The following KCNT2 variants were observed in gnomAD, a reference collection of about 807,000 sequenced individuals.
KCNT2 encodes potassium channel subfamily T member 2.
Under a neutral mutation model 153.8 loss-of-function variants are expected in KCNT2, and 67 were observed. That is an observed-to-expected ratio of 0.44 (90% CI 0.36 to 0.53). The LOEUF is 0.53. KCNT2 is among the 20% of genes least tolerant of loss of function. The probability of loss-of-function intolerance (pLI) is 0.00; values close to 1 mark genes in which losing one functional copy is unlikely to be tolerated. For missense variants in KCNT2, 975 were observed against 1,354.8 expected (o/e 0.72, Z 4.40); for synonymous variants, 500 against 458.8 (o/e 1.09, Z -1.15).
intron 1 of KCNT2, among the ~76,000 whole-genome samples, chr1:196,590,855 G>A (rs1454571180): frequency 2.0e-5 from 3 of 152,136 alleles, no homozygotes; most frequent in Non-Finnish European, 4.4e-5. Context: ...GCCGAGTGCA[G>A]TGGCTCATGC....
chr1:196,340,001 T>C (rs1284839582), intron 16 of KCNT2, among the ~76,000 whole-genome samples: 2 of 152,060 alleles, frequency 1.3e-5, no homozygotes, highest in Non-Finnish European at 2.9e-5. Flanking sequence ...TTGTTGATTG[T>C]GTTTTTGTAA....
chr1:196,541,255 T>C (rs1380103067), intron 1 of KCNT2, among the ~76,000 whole-genome samples: 1 of 151,886 alleles, frequency 6.6e-6, no homozygotes, highest in Non-Finnish European at 1.5e-5. Context: ...TTTAAATCAA[T>C]ATGTTGAATA....
At chr1:196,401,768 T>G (rs894471725) in intron 12 of KCNT2, among the ~76,000 whole-genome samples, 6 of 151,586 alleles carry the variant, frequency 4.0e-5, no homozygotes, top group African/African-American at 1.5e-4. Flanking sequence ...TAGCAGAAAA[T>G]GATTTTAAGA....
At chr1:196,413,519 A>T (rs1464411821) in intron 12 of KCNT2, among the ~76,000 whole-genome samples, 1 of 151,758 alleles carries the variant, frequency 6.6e-6, no homozygotes, top group Non-Finnish European at 1.5e-5. Flanking sequence ...ATTTTTGCAG[A>T]TAACTAGCAT....
At chr1:196,520,782 T>A (rs12131964) in intron 1 of KCNT2, among the ~76,000 whole-genome samples, 1 of 152,080 alleles carries the variant, frequency 6.6e-6, no homozygotes, top group East Asian at 1.9e-4. Context: ...TCTTACACCA[T>A]ATGCAAAAAT....
At chr1:196,551,409 G>A (rs1468647693) in intron 1 of KCNT2, among the ~76,000 whole-genome samples, 1 of 151,698 alleles carries the variant, frequency 6.6e-6, no homozygotes, top group Non-Finnish European at 1.5e-5. Context: ...GAGAACTTTT[G>A]TAAAGGGGGA....
chr1:196,234,285 G>A (rs183390957), intron 27 of KCNT2, among the ~76,000 whole-genome samples: 88 of 150,274 alleles, frequency 5.9e-4, no homozygotes, highest in Admixed American at 2.6e-3. Flanking sequence ...CTACCCAACA[G>A]CCCCTCTTTC....
At chr1:196,330,882 A>G (rs568262358) in intron 18 of KCNT2, among the ~76,000 whole-genome samples, 1 of 152,100 alleles carries the variant, frequency 6.6e-6, no homozygotes, top group East Asian at 1.9e-4. Flanking sequence ...TTGAGGGTTC[A>G]TAGGGATGAG....
At chr1:196,295,969 T>G (rs1660640948) in intron 22 of KCNT2, among the ~76,000 whole-genome samples, 1 of 151,976 alleles carries the variant, frequency 6.6e-6, no homozygotes, top group African/African-American at 2.4e-5. Context: ...AATGACTCAT[T>G]GCTGAGTCTA....
Position 196,467,764 on chromosome 1 carries a change from T to G in KCNT2, c.482A>C (p.Asn161Thr). The change falls in exon 7 of 28, where the codon AAT becomes ACT. Residue 161 changes from asparagine (N) to threonine (T), a missense_variant. By Grantham distance (65) the Asn-to-Thr change is moderately conservative. Coordinates refer to ENST00000294725, the MANE Select transcript of KCNT2 (RefSeq NM_198503.5). ...GTTCAGAAAGACTGGGACAAATAGA[T>G]TCCTTAAGGAAGGCCAGAATATCTG... ...IISIFWPSLR[N>T]LFVPVFLNCW... 2 of 1,605,402 alleles carry G rather than the reference T, an allele frequency of 1.2e-6. No individual in the cohort carries two copies. Among genetic ancestry groups the G allele is most frequent in the Non-Finnish European group, 1.7e-6 (2 of 1,174,206 alleles).
At chr1:196,258,723 G>A (rs1656737114) in intron 25 of KCNT2, 2 of 530,102 alleles carry the variant, frequency 3.8e-6, no homozygotes, top group African/African-American at 3.9e-5. Context: ...GTATCCTCTG[G>A]TACAAATTTT....
chr1:196,400,089 T>A (rs1385347856), intron 12 of KCNT2, among the ~76,000 whole-genome samples: 1 of 151,814 alleles, frequency 6.6e-6, no homozygotes, highest in Admixed American at 6.6e-5. Flanking sequence ...ACATGTACCA[T>A]ATGTTCCTTA....
chr1:196,394,556 G>T (rs979247013), intron 13 of KCNT2, among the ~76,000 whole-genome samples: 4 of 151,406 alleles, frequency 2.6e-5, no homozygotes, highest in African/African-American at 9.7e-5. Flanking sequence ...ATTTTAAGAG[G>T]GCTGTTAGAA....
At chr1:196,280,151 T>C (rs553542499) in intron 25 of KCNT2, among the ~76,000 whole-genome samples, 126 of 152,320 alleles carry the variant, frequency 8.3e-4, no homozygotes, top group African/African-American at 2.9e-3. Context: ...CCAAAATCTT[T>C]ATTTCAAAAA....
chr1:196,411,065 CCTTCCTTCCTTCCTTCCTT>C (rs1672269202), intron 12 of KCNT2, among the ~76,000 whole-genome samples: 1 of 2,344 alleles, frequency 4.3e-4, no homozygotes, highest in Admixed American at 0.017. Context: ...TTCCCTCCTT[CCTTCCTTCCTTCCTTCCTT>C]CCTTCCTTCC....
intron 12 of KCNT2, among the ~76,000 whole-genome samples, chr1:196,405,918 TAA>T (rs965153094): frequency 6.6e-6 from 1 of 151,484 alleles, no homozygotes; most frequent in Non-Finnish European, 1.5e-5. Context: ...ATAAAATAAA[TAA>T]AGAGTAAAAG....
intron 8 of KCNT2, 73 bp from the exon 9 acceptor site, chr1:196,429,830 A>C (rs1486059958): frequency 5.7e-6 from 6 of 1,052,752 alleles, no homozygotes; most frequent in Non-Finnish European, 8.2e-6. Flanking sequence ...TATTCTTTTG[A>C]AAGCCAAAGC....
Position 196,428,217 on chromosome 1 carries a change from T to A in KCNT2, c.872A>T (p.Tyr291Phe). The change falls in exon 10 of 28, where the codon TAT (tyrosine) becomes TTT (phenylalanine). Residue 291 changes from tyrosine to phenylalanine, a missense_variant. Around this residue, in one of 6 missense-constraint regions of KCNT2, gnomAD observed 202 missense variants for 314.9 expected, o/e 0.64. Coordinates refer to ENST00000294725, the MANE Select transcript of KCNT2 (RefSeq NM_198503.5). Reference sequence around the variant, plus strand: ...TTCAGTTTGAGCTCTATGTCGACTATAGTTTCCTCCTGACTTTTGTCTCTC... The same window carrying A: ...TTCAGTTTGAGCTCTATGTCGACTAAAGTTTCCTCCTGACTTTTGTCTCTC... Reference protein sequence around the residue: ...WMERQKSGGNYSRHRAQTEKH... With the variant: ...WMERQKSGGNFSRHRAQTEKH... 6.2e-7 allele frequency: 1 copy of A among 1,612,754 alleles called. No individual in the cohort carries two copies. The highest frequency in any genetic ancestry group is 8.5e-7 in the Non-Finnish European group (1 of 1,179,072).
intron 3 of KCNT2, among the ~76,000 whole-genome samples, chr1:196,489,034 A>T (rs1558000196): frequency 6.6e-6 from 1 of 151,930 alleles, no homozygotes; most frequent in Non-Finnish European, 1.5e-5. Flanking sequence ...AAGGTCCTGG[A>T]GTCCAGAAGC....
Sources: gnomAD v4.1 joint callset for allele counts (sites outside exome capture counted in the v4.1 genomes callset) on GRCh38, gnomAD v4.1.1 for gene constraint, gnomAD v4.1.1 regional missense constraint, MANE v1.5 for transcripts, NCBI Gene and HGNC (gene_info 2026-07-23, HGNC 2026-07-21) for gene names.